The following MORC1 variants were observed in gnomAD, a reference collection of about 807,000 sequenced individuals.
The protein encoded by MORC1 is MORC family CW-type zinc finger 1, also known as MORC family CW-type zinc finger protein 1.
MORC1 carries 59 observed loss-of-function variants against 134.9 expected under a neutral mutation model. That is an observed-to-expected ratio of 0.44 (90% CI 0.35 to 0.54). The LOEUF (loss-of-function observed/expected upper bound fraction) is 0.54, where lower values mean the gene tolerates loss of function less well. Among genes scored for constraint, MORC1 ranks in the 20% least tolerant of loss-of-function variants. The probability of loss-of-function intolerance (pLI) is 0.00; values close to 1 mark genes in which losing one functional copy is unlikely to be tolerated. For missense variants in MORC1, 947 were observed against 1,134.5 expected, an observed-to-expected ratio of 0.83 and a Z score of 2.37; for synonymous variants, 395 against 391.7, an observed-to-expected ratio of 1.01 and a Z score of -0.10.
In MORC1 at chr3:109,030,274, C is replaced by T. The variant is rs138107673; in HGVS notation, c.1566-2385G>A. On this transcript the variant is annotated intron_variant, in intron 16 of 27. Coordinates refer to ENST00000232603, the MANE Select transcript of MORC1 (RefSeq NM_014429.4). ...TATTTTAAGTGATTCTATCCAAGTC[C>T]AATGGCACATATGTCAGGGGTTTTG... Among the ~76,000 whole-genome samples, 47 of 152,284 alleles carry T rather than the reference C, an allele frequency of 3.1e-4. No individual in the cohort carries two copies. The East Asian group carries it at 8.7e-3, about 28-fold the overall frequency.
At chr3:108,994,889 T>C (rs1249762128) in intron 21 of MORC1, among the ~76,000 whole-genome samples, 2 of 152,186 alleles carry the variant, frequency 1.3e-5, no homozygotes, top group Non-Finnish European at 2.9e-5. Context: ...ATAGATCCCC[T>C]AGGATGTTTA....
At chr3:108,988,796 T>C (rs1490331630) in intron 21 of MORC1, among the ~76,000 whole-genome samples, 1 of 152,032 alleles carries the variant, frequency 6.6e-6, no homozygotes, top group Non-Finnish European at 1.5e-5. Context: ...GAAGAGAAAT[T>C]TTGTTGTTGG....
rs116083785 is a variant in MORC1, at chr3:109,011,339, C to G, written c.1705-4248G>C. Reference sequence around the variant, plus strand: ...CATAGCGTAATCATTTTAACTTTATCCATCGTAGTGAGTGTGTAGTGGTTA... The same window carrying G: ...CATAGCGTAATCATTTTAACTTTATGCATCGTAGTGAGTGTGTAGTGGTTA... On this transcript the variant is annotated intron_variant, in intron 17 of 27. Coordinates refer to ENST00000232603, the MANE Select transcript of MORC1 (RefSeq NM_014429.4). Among the ~76,000 whole-genome samples, 778 of 152,226 alleles carry G rather than the reference C, an allele frequency of 5.1e-3. 18 individuals carry two copies. The highest frequency in any genetic ancestry group is 0.018 in the African/African-American group (747 of 41,542).
At chr3:109,037,885 T>C (rs984798505) in intron 14 of MORC1, among the ~76,000 whole-genome samples, 1 of 152,234 alleles carries the variant, frequency 6.6e-6, no homozygotes, top group Non-Finnish European at 1.5e-5. Context: ...CTATTGTGAA[T>C]AGTTCCTCAG....
chr3:109,079,814 T>C (rs1288162090), intron 8 of MORC1, among the ~76,000 whole-genome samples: 1 of 152,034 alleles, frequency 6.6e-6, no homozygotes, highest in Admixed American at 6.6e-5. Flanking sequence ...ACATCAATGG[T>C]TTTTAACAAA....
At chr3:109,112,842 AG>A (rs758893430) in intron 2 of MORC1, among the ~76,000 whole-genome samples, 31 of 152,226 alleles carry the variant, frequency 2.0e-4, no homozygotes, top group Non-Finnish European at 5.9e-5. Flanking sequence ...GACCTGGTCA[AG>A]GGGCTGCCAG....
chr3:108,968,233 A>AGCAAAAT (rs1368562192), intron 26 of MORC1, among the ~76,000 whole-genome samples: 3 of 152,258 alleles, frequency 2.0e-5, no homozygotes, highest in Non-Finnish European at 4.4e-5. Flanking sequence ...CTGCTTTTAC[A>AGCAAAAT]GCAAAATGTT....
chr3:109,051,562 TG>T (rs1204448501), intron 14 of MORC1, among the ~76,000 whole-genome samples: 1 of 152,158 alleles, frequency 6.6e-6, no homozygotes, highest in Non-Finnish European at 1.5e-5. Flanking sequence ...TACACATGCC[TG>T]CTATCCTTCC....
chr3:109,004,990 T>G, intron 19 of MORC1, 80 bp downstream of exon 19: 1 of 1,573,346 alleles, frequency 6.4e-7, no homozygotes, highest in South Asian at 1.2e-5. Flanking sequence ...TCTTAAAATG[T>G]GAAAATGAAG....
intron 17 of MORC1, among the ~76,000 whole-genome samples, chr3:109,009,207 GTTT>G (rs72433903): frequency 3.4e-5 from 4 of 118,808 alleles, no homozygotes; most frequent in Admixed American, 8.4e-5. Context: ...GTTTTTTGTT[GTTT>G]TTTTTTTTTT....
At chr3:109,092,390 TC>T (rs139594965) in intron 8 of MORC1, among the ~76,000 whole-genome samples, 249 of 152,320 alleles carry the variant, frequency 1.6e-3, no homozygotes, top group Non-Finnish European at 2.9e-3. Context: ...TTTCTAAATT[TC>T]ACCTCATTGG....
At chr3:109,114,296 G>T in intron 2 of MORC1, 88 bp downstream of exon 2, 1 of 1,177,142 alleles carries the variant, frequency 8.5e-7, no homozygotes, top group South Asian at 1.6e-5. Flanking sequence ...GGGAAAATAT[G>T]ACATGATCTT....
intron 14 of MORC1, among the ~76,000 whole-genome samples, chr3:109,042,061 T>C (rs1949567086): frequency 6.6e-6 from 1 of 152,050 alleles, no homozygotes. Flanking sequence ...GGAGAGACTA[T>C]TCAAATAAAC....
At position 109,093,608 on chromosome 3, in the gene MORC1, T is replaced by C; in HGVS notation, c.584-67A>G. On this transcript the variant is annotated intron_variant, in intron 7 of 27. Transcript: ENST00000232603. ...ACACTAAATGCTAGTCATTGTGCTATCATTTCATCTATGGAACTGAGTCTG... is the reference window on the plus strand; with the variant it reads ...ACACTAAATGCTAGTCATTGTGCTACCATTTCATCTATGGAACTGAGTCTG... 5 of 1,137,642 alleles carry C rather than the reference T, an allele frequency of 4.4e-6. No individual in the cohort carries two copies. In the East Asian group the frequency reaches 7.3e-5, roughly 17 times the overall value. 70.5% of individuals were successfully genotyped at this position (1,137,642 alleles called of 1,614,324 possible).
chr3:109,095,092 T>C, intron 6 of MORC1, 24 bp from the exon 7 acceptor site: 2 of 1,551,426 alleles, frequency 1.3e-6, no homozygotes, highest in Non-Finnish European at 1.7e-6. Flanking sequence ...AACACATCAA[T>C]TTACTATGAA....
chr3:109,048,765 C>A (rs1198839315), intron 14 of MORC1, among the ~76,000 whole-genome samples: 1 of 151,956 alleles, frequency 6.6e-6, no homozygotes, highest in Admixed American at 6.6e-5. Flanking sequence ...CCTGGTATGT[C>A]TCTTTGTGTA....
At chr3:109,102,896 C>T (rs1950956730) in intron 4 of MORC1, among the ~76,000 whole-genome samples, 1 of 152,114 alleles carries the variant, frequency 6.6e-6, no homozygotes, top group South Asian at 2.1e-4. Flanking sequence ...TACTTTTAAT[C>T]AAAATGACCT....
chr3:109,011,608 G>A (rs551665860), intron 17 of MORC1, among the ~76,000 whole-genome samples: 3 of 150,268 alleles, frequency 2.0e-5, no homozygotes, highest in South Asian at 2.1e-4. Context: ...CGCAACCTCC[G>A]CCTCCCAGGT....
At chr3:109,060,713 TG>T (rs1950060912) in intron 11 of MORC1, among the ~76,000 whole-genome samples, 1 of 152,174 alleles carries the variant, frequency 6.6e-6, no homozygotes, top group Non-Finnish European at 1.5e-5. Flanking sequence ...CTCTCTTCTC[TG>T]CCTTAAAGAA....
Sources: gnomAD v4.1 joint callset for allele counts (sites outside exome capture counted in the v4.1 genomes callset) on GRCh38, gnomAD v4.1.1 for gene constraint, MANE v1.5 for transcripts, NCBI Gene and HGNC (gene_info 2026-07-23, HGNC 2026-07-21) for gene names.